Variants in MYRFL observed in about 807,000 individuals in gnomAD.
The protein encoded by MYRFL is myelin regulatory factor like, also known as myelin regulatory factor-like protein.
A neutral mutation model predicts 109.4 loss-of-function variants in MYRFL; 88 were observed. That is an observed-to-expected ratio of 0.80 (90% CI 0.68 to 0.96). MYRFL has a LOEUF of 0.96. Among genes scored for constraint, MYRFL ranks in the 40% least tolerant of loss-of-function variants. The pLI, the probability that MYRFL is intolerant of heterozygous loss-of-function variation, is 0.00. For synonymous variants in MYRFL, 324 were observed against 320.9 expected, an observed-to-expected ratio of 1.01 and a Z score of -0.10; for missense variants, 957 against 954.9, an observed-to-expected ratio of 1.00 and a Z score of -0.03.
chr12:69,834,590 G>A (rs1375174138), intron 1 of MYRFL, among the ~76,000 whole-genome samples: 1 of 152,140 alleles, frequency 6.6e-6, no homozygotes, highest in Non-Finnish European at 1.5e-5. Context: ...AAATGGTAGT[G>A]GTTTTTATTA....
chr12:69,946,861 A>G (rs1955852441), intron 19 of MYRFL: 4 of 152,234 alleles, frequency 2.6e-5, no homozygotes, highest in African/African-American at 4.8e-5. Flanking sequence ...CCCATTTGCT[A>G]TCCTGCCTCC....
At chr12:69,955,520 T>A (rs1956073247) in intron 22 of MYRFL, 83 bp downstream of exon 22, 2 of 540,142 alleles carry the variant, frequency 3.7e-6, no homozygotes, top group Non-Finnish European at 6.5e-6. Context: ...ATTTGGTCAG[T>A]CGTTAAGAGG....
intron 2 of MYRFL, among the ~76,000 whole-genome samples, chr12:69,865,495 T>C (rs568266576): frequency 1.3e-4 from 20 of 152,242 alleles, no homozygotes; most frequent in Non-Finnish European, 2.1e-4. Flanking sequence ...CTAGTATCTA[T>C]GAACCATCTT....
chr12:69,852,995 AGACACC>A (rs892081869), intron 1 of MYRFL, among the ~76,000 whole-genome samples: 1 of 152,232 alleles, frequency 6.6e-6, no homozygotes, highest in Non-Finnish European at 1.5e-5. Flanking sequence ...CTTTCTACAC[AGACACC>A]GTAACATCTG....
intron 5 of MYRFL, among the ~76,000 whole-genome samples, chr12:69,880,996 G>A (rs1031647778): frequency 8.9e-6 from 1 of 112,514 alleles, no homozygotes; most frequent in Non-Finnish European, 1.7e-5. Context: ...AACACATCAT[G>A]TTTTGAGCCA....
At chr12:69,890,862 C>G (rs1886755846) in intron 6 of MYRFL, 109 bp from the exon 7 acceptor site, 1 of 738,696 alleles carries the variant, frequency 1.4e-6, no homozygotes. Context: ...TAGCAAAAGG[C>G]ACTTTTCACA....
intron 13 of MYRFL, among the ~76,000 whole-genome samples, chr12:69,911,428 A>T (rs1012528796): frequency 1.2e-4 from 18 of 152,276 alleles, no homozygotes; most frequent in African/African-American, 4.3e-4. Flanking sequence ...TTTTGATGAA[A>T]CGGTGTTTGA....
intron 22 of MYRFL, 32 bp from the exon 23 acceptor site, chr12:69,957,790 C>A: frequency 6.7e-7 from 1 of 1,502,590 alleles, no homozygotes; most frequent in South Asian, 1.2e-5. Flanking sequence ...ACTGCTTTTT[C>A]AGGTGCTCTT....
intron 5 of MYRFL, among the ~76,000 whole-genome samples, chr12:69,883,145 C>T (rs547187280): frequency 1.7e-4 from 26 of 152,180 alleles, no homozygotes; most frequent in Non-Finnish European, 2.8e-4. Flanking sequence ...TAGCATGAAG[C>T]GAAGAGGAAG....
At chr12:69,889,793 G>A (rs1309636151) in intron 6 of MYRFL, among the ~76,000 whole-genome samples, 1 of 151,990 alleles carries the variant, frequency 6.6e-6, no homozygotes, top group Non-Finnish European at 1.5e-5. Context: ...GGAGGCGGAG[G>A]TCGCAGTGAG....
At chr12:69,845,791 C>CAA (rs1883492901) in intron 1 of MYRFL, among the ~76,000 whole-genome samples, 1 of 62,782 alleles carries the variant, frequency 1.6e-5, no homozygotes, top group African/African-American at 7.2e-5. Context: ...TTGGGAAAAG[C>CAA]GAAAAAAAAA....
intron 7 of MYRFL, among the ~76,000 whole-genome samples, chr12:69,891,628 T>TTTCTTTCC: frequency 1.7e-5 from 1 of 57,780 alleles, no homozygotes; most frequent in African/African-American, 7.8e-5. Flanking sequence ...TCTTTCCTCC[T>TTTCTTTCC]TCCTTTCTTT....
At chr12:69,918,028 T>C (rs1030638506) in intron 13 of MYRFL, among the ~76,000 whole-genome samples, 4 of 152,060 alleles carry the variant, frequency 2.6e-5, no homozygotes, top group Non-Finnish European at 4.4e-5. Context: ...TGGGTATAGG[T>C]CACAGGTTGC....
At chr12:69,856,399 A>C (rs1884286679) in intron 2 of MYRFL, among the ~76,000 whole-genome samples, 1 of 152,052 alleles carries the variant, frequency 6.6e-6, no homozygotes, top group Non-Finnish European at 1.5e-5. Flanking sequence ...CAATAGTTTA[A>C]ATTTCTCTAT....
intron 5 of MYRFL, among the ~76,000 whole-genome samples, chr12:69,881,010 G>A (rs969537624): frequency 1.2e-4 from 16 of 129,338 alleles, no homozygotes; most frequent in Admixed American, 1.1e-3. Flanking sequence ...TGAGCCAAGA[G>A]ACCTGATTAA....
In MYRFL at chr12:69,901,903, A is replaced by ATTTTTT. The variant is rs1203678206; in HGVS notation, c.1183-1741_1183-1740insTTTTTT. On this transcript the variant is annotated intron_variant, in intron 10 of 24. Transcript: ENST00000552032. ...CTGCTGTTTTTTTTTGTTTTTTTTA[A>ATTTTTT]ATTTTCTTGAGACAGAGTATTGCTC... Among the ~76,000 whole-genome samples, 87 of 137,540 alleles carry ATTTTTT rather than the reference A, an allele frequency of 6.3e-4. 3 individuals are homozygous for ATTTTTT. The highest frequency in any genetic ancestry group is 9.3e-4 in the Non-Finnish European group (60 of 64,450). 90.2% of individuals were successfully genotyped at this position (137,540 alleles called of 152,430 possible). A position where few individuals can be genotyped will look rare whatever the true frequency, so the allele number is the denominator to read the frequency against.
At chr12:69,838,861 TAC>T (rs1453064493) in intron 1 of MYRFL, among the ~76,000 whole-genome samples, 2 of 152,210 alleles carry the variant, frequency 1.3e-5, no homozygotes, top group African/African-American at 4.8e-5. Flanking sequence ...GAAATACTTT[TAC>T]CATGATAGAG....
intron 1 of MYRFL, among the ~76,000 whole-genome samples, chr12:69,850,988 C>T (rs1245563876): frequency 6.6e-6 from 1 of 152,054 alleles, no homozygotes; most frequent in Admixed American, 6.6e-5. Context: ...TTGCAACCCA[C>T]TTTTTTCTCT....
intron 19 of MYRFL, among the ~76,000 whole-genome samples, chr12:69,937,585 A>G (rs1206819139): frequency 1.3e-5 from 2 of 152,346 alleles, no homozygotes; most frequent in East Asian, 3.9e-4. Context: ...CGACTCTTAA[A>G]GCTTCCACCT....
Sources: allele counts gnomAD v4.1 joint callset (sites outside exome capture counted in the v4.1 genomes callset), GRCh38; gene constraint gnomAD v4.1.1; transcripts MANE v1.5; gene names NCBI Gene and HGNC (gene_info 2026-07-23, HGNC 2026-07-21).